Variants in CACNA1S observed in about 807,000 individuals in gnomAD.
CACNA1S encodes voltage-dependent L-type calcium channel subunit alpha-1S.
Under a neutral mutation model 207.4 loss-of-function variants are expected in CACNA1S, and 126 were observed. That is an observed-to-expected ratio of 0.61 (90% CI 0.53 to 0.70). The LOEUF (loss-of-function observed/expected upper bound fraction) is 0.70. Ranked by LOEUF, CACNA1S falls within the 30% of genes least tolerant of loss-of-function variation. CACNA1S has a pLI of 0.00. For synonymous variants in CACNA1S, 960 were observed against 932.7 expected (o/e 1.03, Z -0.53); for missense variants, 2,349 against 2,422.8 (o/e 0.97, Z 0.64).
At chr1:201,108,548 A>G (rs1342246367) in intron 2 of CACNA1S, among the ~76,000 whole-genome samples, 1 of 152,166 alleles carries the variant, frequency 6.6e-6, no homozygotes, top group African/African-American at 2.4e-5. Context: ...CATGGAGACT[A>G]ACCCTATGGT....
At chr1:201,110,657 G>T (rs557986192) in intron 1 of CACNA1S, among the ~76,000 whole-genome samples, 2 of 152,210 alleles carry the variant, frequency 1.3e-5, no homozygotes, top group Non-Finnish European at 2.9e-5. Flanking sequence ...AATCCACAGA[G>T]GCTTACCCAG....
At position 201,065,820 on chromosome 1, in the gene CACNA1S, G is replaced by C; in HGVS notation, c.2853+18C>G. The C allele has an allele frequency of 6.3e-7, 1 of 1,587,070 alleles. No individual in the cohort carries two copies. The highest frequency in any genetic ancestry group is 8.7e-7 in the Non-Finnish European group (1 of 1,155,524). On this transcript the variant is annotated intron_variant, in intron 22 of 43. Transcript: ENST00000362061. ...CTGGGAGCGGGAGGGGGAGCTGCTCGCGCAGGCTGGGGCTCACCTTGAAGA... is the reference window on the plus strand; with the variant it reads ...CTGGGAGCGGGAGGGGGAGCTGCTCCCGCAGGCTGGGGCTCACCTTGAAGA...
Position 201,066,025 on chromosome 1 carries a change from G to C in CACNA1S, c.2746-80C>G. On this transcript the variant is annotated intron_variant, in intron 21 of 43. Coordinates refer to ENST00000362061, the MANE Select transcript of CACNA1S (RefSeq NM_000069.3). The surrounding 1 kb of genome is among the most constrained non-coding windows in gnomAD (Gnocchi z 4.3). ...GCCCAGTTGAGGAAACCCCAGGAGT[G>C]CAAGACTTGCTGCCTCCTGATGAGT... The C allele has an allele frequency of 3.7e-6, 4 of 1,081,206 alleles. No homozygotes were observed. In the South Asian group the frequency reaches 5.3e-5, roughly 14 times the overall value. 67.0% of individuals were successfully genotyped at this position (1,081,206 alleles called of 1,614,324 possible). A position where few individuals can be genotyped will look rare whatever the true frequency, so the allele number is the denominator to read the frequency against.
chr1:201,111,075 G>A (rs1430412932), intron 1 of CACNA1S, among the ~76,000 whole-genome samples: 1 of 145,280 alleles, frequency 6.9e-6, no homozygotes, highest in Non-Finnish European at 1.5e-5. Context: ...GCGCAGAGGA[G>A]CAGAGGATGG....
chr1:201,053,116 GC>G lies in CACNA1S; in HGVS notation c.3861+92del, dbSNP rs1440864243. 17 of 1,407,880 alleles carry G rather than the reference GC, an allele frequency of 1.2e-5. No homozygotes were observed. Among genetic ancestry groups the G allele is most frequent in the Admixed American group, 1.7e-5 (1 of 59,760 alleles). 87.2% of individuals were successfully genotyped at this position (1,407,880 alleles called of 1,614,324 possible). A position where few individuals can be genotyped will look rare whatever the true frequency, so the allele number is the denominator to read the frequency against. ...CAAGGCAGGGAGGGCGGAGGGTCCA[GC>G]CCGTGTGCTGCTCAGGCTCCTCAGG... On this transcript the variant is annotated intron_variant, in intron 31 of 43. Coordinates refer to ENST00000362061, the MANE Select transcript of CACNA1S (RefSeq NM_000069.3). This position sits in a 1 kb window ranked among gnomAD's most constrained non-coding sequence, Gnocchi z 5.1.
rs1158143722 is a variant in CACNA1S at position 201,094,011 on chromosome 1, T to C, written c.269A>G (p.Glu90Gly). ...CGAGAAGACAATGAGGAAGAAATAC[T>C]CCAGCTTCTCCTGTGGGAGCAAACG... ...NSLNLGLEKL[E>G]YFFLIVFSIE... is the part of the protein sequence containing the mutation. Residue 90 changes from glutamate to glycine, a missense_variant, in exon 3 of 44, where the codon GAG (glutamate) becomes GGG (glycine). Glu to Gly is a moderately conservative substitution (Grantham distance 98). Transcript: ENST00000362061. The C allele has an allele frequency of 6.2e-7, 1 of 1,614,182 alleles. No individual in the cohort carries two copies. Among genetic ancestry groups the C allele is most frequent in the East Asian group, 2.2e-5 (1 of 44,884 alleles).
At chr1:201,063,423 A>G (rs546067053) in intron 22 of CACNA1S, among the ~76,000 whole-genome samples, 1 of 151,706 alleles carries the variant, frequency 6.6e-6, no homozygotes, top group East Asian at 2.0e-4. Context: ...CTGAGTACCT[A>G]GGATTACAGG....
Position 201,066,042 on chromosome 1 carries a change from C to A in CACNA1S, c.2746-97G>T, listed in dbSNP as rs1255479491. On this transcript the variant is annotated intron_variant, in intron 21 of 43. Coordinates refer to ENST00000362061, the MANE Select transcript of CACNA1S (RefSeq NM_000069.3). This position sits in a 1 kb window ranked among gnomAD's most constrained non-coding sequence, Gnocchi z 4.3. ...CCAGGAGTGCAAGACTTGCTGCCTC[C>A]TGATGAGTTGGAGGTGGGGAAAGGC... 1.0e-6 allele frequency: 1 copy of A among 995,528 alleles called. No homozygotes were observed. The highest frequency in any genetic ancestry group is 2.6e-5 in the East Asian group (1 of 38,632). 61.7% of individuals were successfully genotyped at this position (995,528 alleles called of 1,614,324 possible). A position where few individuals can be genotyped will look rare whatever the true frequency, so the allele number is the denominator to read the frequency against.
intron 1 of CACNA1S, among the ~76,000 whole-genome samples, chr1:201,111,706 T>C (rs1352997568): frequency 6.6e-6 from 1 of 152,136 alleles, no homozygotes; most frequent in Non-Finnish European, 1.5e-5. Context: ...CCATCGCATC[T>C]TTTTTTGGTC....
At chr1:201,079,533 T>C (rs1661765643) in intron 10 of CACNA1S, among the ~76,000 whole-genome samples, 1 of 151,436 alleles carries the variant, frequency 6.6e-6, no homozygotes, top group Non-Finnish European at 1.5e-5. Context: ...AAGTATAGGG[T>C]CTTCCAGTTC....
At chr1:201,043,558 T>TG (rs903822011) in intron 39 of CACNA1S, 27 bp from the exon 40 acceptor site, 12 of 1,611,594 alleles carry the variant, frequency 7.4e-6, no homozygotes, top group Non-Finnish European at 1.0e-5. Context: ...GAGCAGTGAC[T>TG]GGGGGTGAGG....
intron 29 of CACNA1S, 46 bp downstream of exon 29, chr1:201,054,459 A>G: frequency 6.3e-7 from 1 of 1,589,698 alleles, no homozygotes; most frequent in Non-Finnish European, 8.6e-7. Context: ...GTGGCAGGGC[A>G]GGAGCTGGTG....
intron 36 of CACNA1S, 84 bp downstream of exon 36, chr1:201,048,498 T>C: frequency 1.7e-6 from 2 of 1,185,630 alleles, no homozygotes; most frequent in South Asian, 2.5e-5. Flanking sequence ...AAGAGCAATC[T>C]TGAGCTCTGA....
chr1:201,083,208 G>T lies in CACNA1S; in HGVS notation c.1347C>A (p.Ile449=), dbSNP rs754689047. Residue 449 remains isoleucine, a synonymous_variant, in exon 10 of 44, where the codon ATC becomes ATA. Transcript: ENST00000362061. ...ILIVALNTLS[I]ASEHHNQPLW... is the part of the protein sequence containing the mutation. ...GAGGCTGGTTGTGGTGCTCTGAGGCGATAGACAGGGTGTTGAGGGCAACGA... is the reference window on the plus strand; with the variant it reads ...GAGGCTGGTTGTGGTGCTCTGAGGCTATAGACAGGGTGTTGAGGGCAACGA... 1.9e-6 allele frequency: 3 copies of T among 1,614,206 alleles called. No individual in the cohort carries two copies. Among genetic ancestry groups the T allele is most frequent in the Admixed American group, 3.3e-5 (2 of 60,030 alleles).
chr1:201,092,379 G>A lies in CACNA1S; in HGVS notation c.399-265C>T, dbSNP rs543531754. On this transcript the variant is annotated intron_variant, in intron 3 of 43. Coordinates refer to ENST00000362061, the MANE Select transcript of CACNA1S (RefSeq NM_000069.3). The stretch of plus-strand genomic sequence containing the variant: ...AGGTCTACTTTGGGTGCTGAACGGG[G>A]GTGAGGTATGTGTGCCACAGGGACA... Among the ~76,000 whole-genome samples the A allele has an allele frequency of 5.9e-5, 9 of 152,250 alleles. No homozygotes were observed. In the South Asian group the frequency reaches 1.7e-3, roughly 28 times the overall value.
At position 201,091,586 on chromosome 1, in the gene CACNA1S, C is replaced by T. The variant is rs199733148; in HGVS notation, c.694+54G>A. 5.2e-5 allele frequency: 83 copies of T among 1,600,956 alleles called. 1 individual carries two copies. In the South Asian group the frequency reaches 8.2e-4, roughly 16 times the overall value. On this transcript the variant is annotated intron_variant, in intron 5 of 43. Coordinates refer to ENST00000362061, the MANE Select transcript of CACNA1S (RefSeq NM_000069.3). Reference sequence around the variant, plus strand: ...CCTTCACCAGGTAGGGTGGCTCCCCCTTCTGAGCCATCCTAGGCCCTGCCC... The same window carrying T: ...CCTTCACCAGGTAGGGTGGCTCCCCTTTCTGAGCCATCCTAGGCCCTGCCC...
intron 16 of CACNA1S, 79 bp downstream of exon 16, chr1:201,072,676 C>T (rs1661466509): frequency 2.0e-6 from 2 of 1,016,034 alleles, no homozygotes; most frequent in Non-Finnish European, 3.1e-6. Flanking sequence ...CAAGAGACTG[C>T]CCATGGGGAG....
At chr1:201,100,620 G>A (rs778804448) in intron 2 of CACNA1S, among the ~76,000 whole-genome samples, 8 of 152,138 alleles carry the variant, frequency 5.3e-5, no homozygotes, top group Non-Finnish European at 2.9e-5. Context: ...AGCTCCCTCA[G>A]GTCTGGGTGG....
chr1:201,062,976 C>A (rs969334284), intron 22 of CACNA1S, among the ~76,000 whole-genome samples: 1 of 152,224 alleles, frequency 6.6e-6, no homozygotes, highest in Non-Finnish European at 1.5e-5. Flanking sequence ...CCTCCATCCT[C>A]CTGCCAGTGG....
Sources: gnomAD v4.1 joint callset for allele counts (sites outside exome capture counted in the v4.1 genomes callset) on GRCh38, gnomAD v4.1.1 for gene constraint, Gnocchi (gnomAD v3.1) non-coding constraint, MANE v1.5 for transcripts, NCBI Gene and HGNC (gene_info 2026-07-23, HGNC 2026-07-21) for gene names.